The following KDM4C variants were observed in gnomAD, a reference collection of about 807,000 sequenced individuals.
KDM4C encodes the protein lysine demethylase 4C.
KDM4C carries 81 observed loss-of-function variants against 129.3 expected under a neutral mutation model. That is an observed-to-expected ratio of 0.63 (90% CI 0.52 to 0.75). KDM4C has a LOEUF of 0.75. KDM4C is among the 30% of genes least tolerant of loss of function. KDM4C has a pLI of 0.00. For synonymous variants in KDM4C, 573 were observed against 456.1 expected (o/e 1.26, Z -3.26); for missense variants, 1,457 against 1,304.0 (o/e 1.12, Z -1.81).
At chr9:6,965,697 CA>C (rs1283044395) in intron 8 of KDM4C, among the ~76,000 whole-genome samples, 1 of 152,190 alleles carries the variant, frequency 6.6e-6, no homozygotes, top group Admixed American at 6.5e-5. Flanking sequence ...TGCAGTCAGA[CA>C]AACAGGTCCT....
intron 8 of KDM4C, among the ~76,000 whole-genome samples, chr9:6,914,163 G>A (rs1231609142): frequency 6.6e-6 from 1 of 152,140 alleles, no homozygotes; most frequent in African/African-American, 2.4e-5. Context: ...AGGTTCAAGC[G>A]ATTCTCCTGC....
intron 19 of KDM4C, among the ~76,000 whole-genome samples, chr9:7,139,799 TTGTC>T (rs1450035187): frequency 6.6e-6 from 1 of 152,224 alleles, no homozygotes; most frequent in Non-Finnish European, 1.5e-5. Context: ...GCAGTGGTAG[TTGTC>T]TGTATGAGTC....
intron 18 of KDM4C, among the ~76,000 whole-genome samples, chr9:7,121,703 C>G (rs113840117): frequency 1.5e-3 from 233 of 152,170 alleles, no homozygotes; most frequent in African/African-American, 5.4e-3. Context: ...ATCCAAGTTA[C>G]TAATCCAACC....
chr9:7,138,269 G>T (rs1220601770), intron 19 of KDM4C, among the ~76,000 whole-genome samples: 1 of 152,170 alleles, frequency 6.6e-6, no homozygotes, highest in Non-Finnish European at 1.5e-5. Context: ...TTGGTTGTGT[G>T]TGTTTCTGCA....
At chr9:7,112,174 A>G (rs879719079) in intron 18 of KDM4C, among the ~76,000 whole-genome samples, 6 of 152,150 alleles carry the variant, frequency 3.9e-5, no homozygotes, top group South Asian at 2.1e-4. Flanking sequence ...TCATTTAGGC[A>G]TTACTCTTGC....
rs758562696 is a variant in KDM4C at position 6,984,252 on chromosome 9, C to T, written c.1202C>T (p.Pro401Leu). Residue 401 changes from proline (P) to leucine (L), a missense_variant, in exon 10 of 22, where the codon CCT (proline) becomes CTT (leucine). Physicochemically the swap from Pro to Leu is moderately conservative, Grantham distance 98. Transcript: ENST00000381309. The stretch of plus-strand genomic sequence containing the variant: ...GATGAAGTCGATGGGGCAGAGGTCC[C>T]TAACCCCGACTCAGTCACAGATGAC... ...VSDEVDGAEV[P>L]NPDSVTDDLK... is the part of the protein sequence containing the mutation. The T allele has an allele frequency of 6.2e-7, 1 of 1,614,010 alleles. No individual in the cohort carries two copies. The highest frequency in any genetic ancestry group is 1.1e-5 in the South Asian group (1 of 91,054).
chr9:7,100,765 TTTC>T (rs1836988640), intron 17 of KDM4C, among the ~76,000 whole-genome samples: 1 of 145,192 alleles, frequency 6.9e-6, no homozygotes, highest in African/African-American at 2.8e-5. Context: ...TTCTTTCTTT[TTTC>T]TTTTCTTTTC....
chr9:6,865,280 T>C (rs1841747668), intron 5 of KDM4C, among the ~76,000 whole-genome samples: 2 of 152,208 alleles, frequency 1.3e-5, no homozygotes, highest in African/African-American at 2.4e-5. Context: ...AGTTTTGGGA[T>C]TACAAGCGTG....
intron 8 of KDM4C, among the ~76,000 whole-genome samples, chr9:6,931,856 C>G (rs1022531282): frequency 6.6e-5 from 10 of 152,170 alleles, no homozygotes; most frequent in East Asian, 1.9e-4. Flanking sequence ...TACTGTGGAG[C>G]TATATATAAA....
At chr9:6,931,173 G>A (rs1367701153) in intron 8 of KDM4C, among the ~76,000 whole-genome samples, 4 of 151,304 alleles carry the variant, frequency 2.6e-5, no homozygotes, top group Non-Finnish European at 5.9e-5. Flanking sequence ...AGTAACAAGG[G>A]CAGCATGCAT....
intron 1 of KDM4C, among the ~76,000 whole-genome samples, chr9:6,789,515 C>T (rs550091922): frequency 5.7e-4 from 86 of 151,968 alleles, no homozygotes; most frequent in African/African-American, 1.7e-3. Context: ...CCACTGTGCC[C>T]GGCCACGCCC....
At chr9:7,119,900 A>G (rs1414861221) in intron 18 of KDM4C, among the ~76,000 whole-genome samples, 1 of 152,124 alleles carries the variant, frequency 6.6e-6, no homozygotes, top group Non-Finnish European at 1.5e-5. Context: ...AATACCTTGC[A>G]TTATGATCAG....
At chr9:6,944,809 TG>T (rs1290921265) in intron 8 of KDM4C, among the ~76,000 whole-genome samples, 27 of 152,070 alleles carry the variant, frequency 1.8e-4, no homozygotes, top group Admixed American at 1.7e-3. Flanking sequence ...TTGGATTGGA[TG>T]CTGGCAGAAT....
At chr9:7,015,695 A>G (rs1823530343) in intron 14 of KDM4C, among the ~76,000 whole-genome samples, 158 bp from the exon 15 acceptor site, 2 of 152,222 alleles carry the variant, frequency 1.3e-5, no homozygotes, top group Non-Finnish European at 2.9e-5. Flanking sequence ...GTTATCAGTA[A>G]GACTCACATT....
chr9:6,780,791 AAAAG>A (rs1824177292), intron 1 of KDM4C, among the ~76,000 whole-genome samples: 1 of 150,970 alleles, frequency 6.6e-6, no homozygotes, highest in Non-Finnish European at 1.5e-5. Context: ...AAAAAAAAAA[AAAAG>A]CGACTTTAAT....
At chr9:6,999,730 C>G (rs1186422605) in intron 12 of KDM4C, among the ~76,000 whole-genome samples, 1 of 142,968 alleles carries the variant, frequency 7.0e-6, no homozygotes, top group Non-Finnish European at 1.5e-5. Flanking sequence ...ACATGACTGT[C>G]TGCTTTAGGG....
At chr9:6,879,908 G>A in intron 5 of KDM4C, 104 bp from the exon 6 acceptor site, 2 of 543,308 alleles carry the variant, frequency 3.7e-6, no homozygotes, top group East Asian at 2.9e-5. Context: ...AGTGGAGTTT[G>A]GTGTTGAATT....
chr9:6,986,671 G>A lies in KDM4C; in HGVS notation c.1677+5G>A. On this transcript the variant is annotated splice_donor_5th_base_variant and intron_variant, in intron 11 of 21. Coordinates refer to ENST00000381309, the MANE Select transcript of KDM4C (RefSeq NM_015061.6). ...AATAGCTTCAAAGTCCCCAGTGTAT[G>A]TGGCAATATCCATTTTTTACCATAT... The A allele has an allele frequency of 6.3e-7, 1 of 1,585,736 alleles. No individual in the cohort carries two copies. The highest frequency in any genetic ancestry group is 8.6e-7 in the Non-Finnish European group (1 of 1,162,208).
chr9:6,800,094 A>C (rs1828649525), intron 2 of KDM4C, among the ~76,000 whole-genome samples: 1 of 152,142 alleles, frequency 6.6e-6, no homozygotes, highest in Admixed American at 6.6e-5. Context: ...AAGGCCAGGC[A>C]CAGTGACTCA....
Sources: gnomAD v4.1 joint callset for allele counts (sites outside exome capture counted in the v4.1 genomes callset) on GRCh38, gnomAD v4.1.1 for gene constraint, MANE v1.5 for transcripts, NCBI Gene and HGNC (gene_info 2026-07-23, HGNC 2026-07-21) for gene names.